Variants in STYXL2 observed in about 807,000 individuals in gnomAD.
The protein encoded by STYXL2 is serine/threonine/tyrosine interacting like 2.
In STYXL2, 44 loss-of-function variants were observed where a neutral mutation model predicts 52.4. The ratio of observed to expected loss-of-function variants is 0.84; its 90% confidence interval spans 0.66 to 1.08. STYXL2 has a LOEUF of 1.08. Among genes scored for constraint, STYXL2 ranks in the 50% least tolerant of loss-of-function variants. STYXL2 has a pLI of 0.00. For missense variants in STYXL2, 1,604 were observed against 1,471.7 expected (o/e 1.09, Z -1.47); for synonymous variants, 604 against 586.9 (o/e 1.03, Z -0.42).
intron 2 of STYXL2, among the ~76,000 whole-genome samples, chr1:167,105,760 G>T (rs1451741385): frequency 6.6e-6 from 1 of 152,156 alleles, no homozygotes; most frequent in African/African-American, 2.4e-5. Flanking sequence ...TCCCCCTCAT[G>T]GCGGCTGACT....
intron 2 of STYXL2, among the ~76,000 whole-genome samples, chr1:167,095,863 T>C (rs1667275768): frequency 6.6e-6 from 1 of 152,206 alleles, no homozygotes; most frequent in African/African-American, 2.4e-5. Flanking sequence ...TTTTCTCTGA[T>C]GCTCTTGGGA....
In STYXL2 at chr1:167,127,020, T is replaced by G; in HGVS notation, c.1889T>G (p.Leu630Arg). 6.2e-7 allele frequency: 1 copy of G among 1,606,700 alleles called. No homozygotes were observed. The highest frequency in any genetic ancestry group is 8.5e-7 in the Non-Finnish European group (1 of 1,175,588). Residue 630 changes from leucine (L) to arginine (R), a missense_variant, in exon 6 of 6, where the codon CTG becomes CGG. Physicochemically the swap from Leu to Arg is moderately radical, Grantham distance 102. Coordinates refer to ENST00000361200, the MANE Select transcript of STYXL2 (RefSeq NM_001080426.3). ...AKKRQRRLEL[L>R]ERSRQTLEES... ...AAGAGACAACGGAGGCTGGAGCTGC[T>G]GGAGAGAAGCCGGCAGACGCTGGAG... is the stretch of plus-strand genomic sequence containing the variant.
In STYXL2 at chr1:167,128,920, T is replaced by G. The variant is rs1389674774; in HGVS notation, c.*312T>G. 2 of 282,480 alleles carry G rather than the reference T, an allele frequency of 7.1e-6. No homozygotes were observed. The highest frequency in any genetic ancestry group is 1.3e-5 in the Non-Finnish European group (2 of 150,724). The allele number at this position is 282,480 out of a possible 1,614,324, so 17.5% of individuals were successfully genotyped here. ...CAGTGTTCATCACAGGCTAGAGAGG[T>G]GAGCTTGGAAAAGCACTGTAGTTTG... is the stretch of plus-strand genomic sequence containing the variant. On this transcript the variant is annotated 3_prime_UTR_variant, in exon 6 of 6. Transcript: ENST00000361200.
intron 2 of STYXL2, among the ~76,000 whole-genome samples, chr1:167,104,441 C>A (rs1667469956): frequency 6.6e-6 from 1 of 152,146 alleles, no homozygotes; most frequent in African/African-American, 2.4e-5. Flanking sequence ...CAGTGAATTT[C>A]TTTAACTGTG....
intron 5 of STYXL2, among the ~76,000 whole-genome samples, chr1:167,122,769 G>A (rs370753171): frequency 2.6e-5 from 4 of 152,028 alleles, no homozygotes; most frequent in Non-Finnish European, 2.9e-5. Flanking sequence ...AGATTCAAGC[G>A]ATTCTCAGGC....
intron 5 of STYXL2, among the ~76,000 whole-genome samples, chr1:167,125,552 T>C (rs1456772907): frequency 6.6e-6 from 1 of 152,204 alleles, no homozygotes; most frequent in Non-Finnish European, 1.5e-5. Flanking sequence ...AAAGTAGAAA[T>C]GCACTCCAGT....
At position 167,128,434 on chromosome 1, in the gene STYXL2, A is replaced by G. The variant is rs780621076; in HGVS notation, c.3303A>G (p.Lys1101=). The stretch of plus-strand genomic sequence containing the variant: ...TGAGGTCTGAAGAAGAGGGAGAGAA[A>G]GAGAGGACAGAAAACAGAGAAGAAG... ...SFMRSEEEGE[K]ERTENREEGR... is the part of the protein sequence containing the mutation. The change falls in exon 6 of 6, where the codon AAA becomes AAG. Residue 1101 remains lysine, a synonymous_variant. Coordinates refer to ENST00000361200, the MANE Select transcript of STYXL2 (RefSeq NM_001080426.3). The G allele has an allele frequency of 1.9e-6, 3 of 1,613,996 alleles. No individual in the cohort carries two copies. Among genetic ancestry groups the G allele is most frequent in the Non-Finnish European group, 1.7e-6 (2 of 1,180,012 alleles).
chr1:167,128,191 G>C lies in STYXL2; in HGVS notation c.3060G>C (p.Lys1020Asn). The C allele has an allele frequency of 6.2e-7, 1 of 1,614,228 alleles. No homozygotes were observed. Among genetic ancestry groups the C allele is most frequent in the East Asian group, 2.2e-5 (1 of 44,870 alleles). Reference protein sequence around the residue: ...SSTREGREMHKFSRSTYNETS... With the variant: ...SSTREGREMHNFSRSTYNETS... ...CCAGGGAGGGCAGAGAGATGCACAA[G>C]TTCTCCAGGTCCACGTACAACGAGA... is the stretch of plus-strand genomic sequence containing the variant. Residue 1020 changes from lysine to asparagine, a missense_variant, in exon 6 of 6, where the codon AAG becomes AAC. Physicochemically the swap from Lys to Asn is moderately conservative, Grantham distance 94. Coordinates refer to ENST00000361200, the MANE Select transcript of STYXL2 (RefSeq NM_001080426.3).
chr1:167,098,574 A>G (rs1214623152), intron 2 of STYXL2, among the ~76,000 whole-genome samples: 5 of 152,222 alleles, frequency 3.3e-5, no homozygotes, highest in African/African-American at 1.2e-4. Flanking sequence ...TTTTAGTGGC[A>G]TAAAATACCA....
chr1:167,121,299 C>CGCGA (rs1248042389), intron 5 of STYXL2, among the ~76,000 whole-genome samples: 1 of 152,200 alleles, frequency 6.6e-6, no homozygotes, highest in African/African-American at 2.4e-5. Flanking sequence ...AATAAGCCAC[C>CGCGA]GCGACCGGCC....
In STYXL2 at chr1:167,128,655, T is replaced by C. The variant is rs749343945; in HGVS notation, c.*47T>C. The C allele has an allele frequency of 1.3e-5, 21 of 1,563,580 alleles. No individual in the cohort carries two copies. Among genetic ancestry groups the C allele is most frequent in the East Asian group, 2.2e-5 (1 of 44,536 alleles). On this transcript the variant is annotated 3_prime_UTR_variant, in exon 6 of 6. Coordinates refer to ENST00000361200, the MANE Select transcript of STYXL2 (RefSeq NM_001080426.3). ...CTGAAAGAAACCACTCACGTTAGCA[T>C]AGGGCTCAGGGCACACGTTGCCACC...
Position 167,117,460 on chromosome 1 carries a change from C to G in STYXL2, c.338C>G (p.Pro113Arg), listed in dbSNP as rs766096668. ...KMDDTSLYNT[P>R]CVLDLQRALV... is the part of the protein sequence containing the mutation. ...GATGACACCAGCCTCTATAATACGC[C>G]CTGTGTCCTGGACCTACAGCGGGCC... Residue 113 changes from proline to arginine, a missense_variant, in exon 4 of 6, where the codon CCC (proline) becomes CGC (arginine). Physicochemically the swap from Pro to Arg is moderately radical, Grantham distance 103 (BLOSUM62 -2). Coordinates refer to ENST00000361200, the MANE Select transcript of STYXL2 (RefSeq NM_001080426.3). 46 of 1,612,546 alleles carry G rather than the reference C, an allele frequency of 2.9e-5. No homozygotes were observed. Among genetic ancestry groups the G allele is most frequent in the Non-Finnish European group, 3.8e-5 (45 of 1,179,458 alleles).
intron 1 of STYXL2, 68 bp from the exon 2 acceptor site, chr1:167,094,766 C>T: frequency 8.9e-7 from 1 of 1,119,088 alleles, no homozygotes. Context: ...ATCACCAACA[C>T]AACTTCTCCC....
At chr1:167,111,025 T>C (rs748902969) in intron 2 of STYXL2, among the ~76,000 whole-genome samples, 37 of 152,320 alleles carry the variant, frequency 2.4e-4, no homozygotes, top group Non-Finnish European at 5.1e-4. Flanking sequence ...ACACCAGGTT[T>C]TCAAATTAAC....
chr1:167,108,956 A>G (rs1305689230), intron 2 of STYXL2, among the ~76,000 whole-genome samples: 2 of 152,032 alleles, frequency 1.3e-5, no homozygotes, highest in Non-Finnish European at 2.9e-5. Context: ...GGTAAAATGA[A>G]TTTAGAGAGC....
At position 167,127,789 on chromosome 1, in the gene STYXL2, T is replaced by A. The variant is rs146541645; in HGVS notation, c.2658T>A (p.Asp886Glu). ...EDEDDGVGDGDEDTDSAIGSF... is the reference protein window; with the variant it reads ...EDEDDGVGDGEEDTDSAIGSF... Reference sequence around the variant, plus strand: ...AGGATGATGGTGTGGGTGATGGGGATGAGGACACTGACAGTGCCATAGGGA... The same window carrying A: ...AGGATGATGGTGTGGGTGATGGGGAAGAGGACACTGACAGTGCCATAGGGA... Residue 886 changes from aspartate (D) to glutamate (E), a missense_variant, in exon 6 of 6, where the codon GAT becomes GAA. Coordinates refer to ENST00000361200, the MANE Select transcript of STYXL2 (RefSeq NM_001080426.3). The A allele has an allele frequency of 2.3e-4, 368 of 1,613,856 alleles. No homozygotes were observed. Among genetic ancestry groups the A allele is most frequent in the Middle Eastern group, 6.6e-4 (4 of 6,062 alleles).
chr1:167,108,516 G>A (rs1318483810), intron 2 of STYXL2, among the ~76,000 whole-genome samples: 6 of 152,288 alleles, frequency 3.9e-5, no homozygotes, highest in African/African-American at 1.4e-4. Context: ...ATGGAAATGA[G>A]CCAACACAAC....
chr1:167,118,622 C>T (rs1667783375), intron 4 of STYXL2, among the ~76,000 whole-genome samples: 1 of 152,212 alleles, frequency 6.6e-6, no homozygotes, highest in Non-Finnish European at 1.5e-5. Flanking sequence ...ACAACCTGTC[C>T]TCAGGGCCTC....
rs368810969 is a variant in STYXL2, at chr1:167,113,792, A to G, written c.193A>G (p.Ile65Val). Residue 65 changes from isoleucine (I) to valine (V), a missense_variant, in exon 3 of 6, where the codon ATC (isoleucine) becomes GTC (valine). By Grantham distance (29) the Ile-to-Val change is conservative. Transcript: ENST00000361200. ...CTCCTCAGCCATTGCAGCCAAACAG[A>G]TCATCAATGAAGGTAATGCAATCAA... ...HLSSAIAAKQ[I>V]INEELKPPGV... The G allele has an allele frequency of 6.2e-7, 1 of 1,613,602 alleles. No individual in the cohort carries two copies. Among genetic ancestry groups the G allele is most frequent in the Non-Finnish European group, 8.5e-7 (1 of 1,179,562 alleles).
Sources: gnomAD v4.1 joint callset for allele counts (sites outside exome capture counted in the v4.1 genomes callset) on GRCh38, gnomAD v4.1.1 for gene constraint, MANE v1.5 for transcripts, NCBI Gene and HGNC (gene_info 2026-07-23, HGNC 2026-07-21) for gene names.